The following AMER2 variants were observed in gnomAD, a reference collection of about 807,000 sequenced individuals.
The protein encoded by AMER2 is APC membrane recruitment protein 2, also known as family with sequence similarity 123A.
AMER2 carries 1 observed loss-of-function variant against 4.7 expected under a neutral mutation model. The ratio of observed to expected loss-of-function variants is 0.21; its 90% confidence interval spans 0.07 to 1.00. The LOEUF is 1.00. Among genes scored for constraint, AMER2 ranks in the 50% least tolerant of loss-of-function variants. AMER2 has a pLI of 0.60. For missense variants in AMER2, 988 were observed against 966.9 expected (o/e 1.02, Z -0.29); for synonymous variants, 485 against 433.3 (o/e 1.12, Z -1.48).
At position 25,170,713 on chromosome 13, in the gene AMER2, G is replaced by T; in HGVS notation, c.907C>A (p.His303Asn). The T allele has an allele frequency of 6.8e-7, 1 of 1,481,330 alleles. No homozygotes were observed. Among genetic ancestry groups the T allele is most frequent in the Non-Finnish European group, 8.9e-7 (1 of 1,121,530 alleles). 91.8% of individuals were successfully genotyped at this position (1,481,330 alleles called of 1,614,324 possible). A position where few individuals can be genotyped will look rare whatever the true frequency, so the allele number is the denominator to read the frequency against. ...CCGGGCCCCGGCTCGGCGCGCCGATGCCCCGCGGCGTCCTCTCCCCGGGCG... is the reference window on the plus strand; with the variant it reads ...CCGGGCCCCGGCTCGGCGCGCCGATTCCCCGCGGCGTCCTCTCCCCGGGCG... ...TGARGEDAAG[H>N]RRAEPGPGEV... Residue 303 changes from histidine (H) to asparagine (N), a missense_variant, in exon 1 of 1, where the codon CAT becomes AAT. His to Asn is a moderately conservative substitution (Grantham distance 68). Coordinates refer to ENST00000515384, the MANE Select transcript of AMER2 (RefSeq NM_152704.4). This position sits in a 1 kb window ranked among gnomAD's most constrained non-coding sequence, Gnocchi z 7.3.
Position 25,162,443 on chromosome 13 carries a change from A to C in AMER2, c.*7161T>G, listed in dbSNP as rs1413441299. ...AGATCCTCCATATTCAATAAGATTT[A>C]TCCTGGAAGCAATGAAAATGTTAAA... On this transcript the variant is annotated 3_prime_UTR_variant, in exon 1 of 1. Transcript: ENST00000515384. The C allele has an allele frequency of 2.6e-5, 4 of 152,220 alleles. No homozygotes were observed. The highest frequency in any genetic ancestry group is 9.6e-5 in the African/African-American group (4 of 41,470). 9.4% of individuals were successfully genotyped at this position (152,220 alleles called of 1,614,324 possible). A position where few individuals can be genotyped will look rare whatever the true frequency, so the allele number is the denominator to read the frequency against.
Position 25,169,486 on chromosome 13 carries a change from G to T in AMER2, c.*118C>A. The T allele has an allele frequency of 7.3e-7, 1 of 1,360,660 alleles. No homozygotes were observed. 84.3% of individuals were successfully genotyped at this position (1,360,660 alleles called of 1,614,324 possible). On this transcript the variant is annotated 3_prime_UTR_variant, in exon 1 of 1. Coordinates refer to ENST00000515384, the MANE Select transcript of AMER2 (RefSeq NM_152704.4). The surrounding 1 kb of genome is among the most constrained non-coding windows in gnomAD (Gnocchi z 4.2). Reference sequence around the variant, plus strand: ...CTCGGTCCACGCTCTGGAGCAGGGCGGGGGACGGGTGGTGTCCTAAAAGAC... The same window carrying T: ...CTCGGTCCACGCTCTGGAGCAGGGCTGGGGACGGGTGGTGTCCTAAAAGAC...
Position 25,161,707 on chromosome 13 carries a change from A to G in AMER2, c.*7897T>C, listed in dbSNP as rs1164687380. ...ACTTTAAATGCAAAGGAGCAACAAA[A>G]TTTATTGACTGAATTAAACACAACA... is the stretch of plus-strand genomic sequence containing the variant. On this transcript the variant is annotated 3_prime_UTR_variant, in exon 1 of 1. Transcript: ENST00000515384. The G allele has an allele frequency of 6.6e-6, 1 of 152,248 alleles. No homozygotes were observed. Among genetic ancestry groups the G allele is most frequent in the Non-Finnish European group, 1.5e-5 (1 of 68,054 alleles). 9.4% of individuals were successfully genotyped at this position (152,248 alleles called of 1,614,324 possible). A position where few individuals can be genotyped will look rare whatever the true frequency, so the allele number is the denominator to read the frequency against.
Position 25,169,843 on chromosome 13 carries a change from T to C in AMER2, c.1777A>G (p.Thr593Ala), listed in dbSNP as rs1956529541. Residue 593 changes from threonine to alanine, a missense_variant, in exon 1 of 1, where the codon ACC (threonine) becomes GCC (alanine). Thr to Ala is a moderately conservative substitution (Grantham distance 58). Coordinates refer to ENST00000515384, the MANE Select transcript of AMER2 (RefSeq NM_152704.4). The surrounding 1 kb of genome is among the most constrained non-coding windows in gnomAD (Gnocchi z 4.2). Reference protein sequence around the residue: ...RLKPVSPGTITCPLRTPGSLL... With the variant: ...RLKPVSPGTIACPLRTPGSLL... ...CTGCCTGGTGTTCGCAGTGGACAGG[T>C]GATGGTGCCTGGAGATACGGGCTTT... 2 of 1,613,932 alleles carry C rather than the reference T, an allele frequency of 1.2e-6. No homozygotes were observed. The highest frequency in any genetic ancestry group is 1.7e-6 in the Non-Finnish European group (2 of 1,179,934).
At position 25,167,088 on chromosome 13, in the gene AMER2, A is replaced by C. The variant is rs562889247; in HGVS notation, c.*2516T>G. The C allele has an allele frequency of 6.6e-6, 1 of 152,344 alleles. No individual in the cohort carries two copies. The highest frequency in any genetic ancestry group is 1.9e-4 in the East Asian group (1 of 5,194). 9.4% of individuals were successfully genotyped at this position (152,344 alleles called of 1,614,324 possible). A position where few individuals can be genotyped will look rare whatever the true frequency, so the allele number is the denominator to read the frequency against. On this transcript the variant is annotated 3_prime_UTR_variant, in exon 1 of 1. Coordinates refer to ENST00000515384, the MANE Select transcript of AMER2 (RefSeq NM_152704.4). ...CTCACGTGTTCCTTTTCTTATAAAG[A>C]GGAGACACAGCATAATGGTGTAAAT... is the stretch of plus-strand genomic sequence containing the variant.
Position 25,170,828 on chromosome 13 carries a change from T to C in AMER2, c.792A>G (p.Ala264=). ...CGGGGGCGGGCACCTCCTCTCCCCCTGCGGGCTCACCTGCTGGGTCTCGCG... is the reference window on the plus strand; with the variant it reads ...CGGGGGCGGGCACCTCCTCTCCCCCCGCGGGCTCACCTGCTGGGTCTCGCG... ...DAPRDPAGEP[A]GGEEVPAPAD... is the part of the protein sequence containing the mutation. Residue 264 remains alanine, a synonymous_variant, in exon 1 of 1, where the codon GCA becomes GCG. Transcript: ENST00000515384. This position sits in a 1 kb window ranked among gnomAD's most constrained non-coding sequence, Gnocchi z 7.3. The C allele has an allele frequency of 7.0e-7, 1 of 1,422,856 alleles. No homozygotes were observed. The highest frequency in any genetic ancestry group is 9.1e-7 in the Non-Finnish European group (1 of 1,097,688). 88.1% of individuals were successfully genotyped at this position (1,422,856 alleles called of 1,614,324 possible).
At position 25,164,065 on chromosome 13, in the gene AMER2, A is replaced by T. The variant is rs1288022514; in HGVS notation, c.*5539T>A. 6.7e-6 allele frequency: 1 copy of T among 149,184 alleles called. No individual in the cohort carries two copies. The highest frequency in any genetic ancestry group is 2.5e-5 in the African/African-American group (1 of 40,154). The allele number at this position is 149,184 out of a possible 1,614,324, so 9.2% of individuals were successfully genotyped here. A position where few individuals can be genotyped will look rare whatever the true frequency, so the allele number is the denominator to read the frequency against. On this transcript the variant is annotated 3_prime_UTR_variant, in exon 1 of 1. Transcript: ENST00000515384. ...GGTTATAGTGAGCCGAGATCAAGCC[A>T]CTGCACTCCAGCCTGGGTGACAGAG...
In AMER2 at chr13:25,168,875, C is replaced by G; in HGVS notation, c.*729G>C. On this transcript the variant is annotated 3_prime_UTR_variant, in exon 1 of 1. Transcript: ENST00000515384. ...ACAAAAGCAAAAGCAAAAGCCTGCT[C>G]TCCTGAGCCTTTTATATCTCCCCAA... 6.6e-6 allele frequency: 1 copy of G among 152,666 alleles called. No individual in the cohort carries two copies. The highest frequency in any genetic ancestry group is 1.9e-4 in the East Asian group (1 of 5,206). The allele number at this position is 152,666 out of a possible 1,614,324, so 9.5% of individuals were successfully genotyped here.
chr13:25,170,696 C>G lies in AMER2; in HGVS notation c.924G>C (p.Pro308=), dbSNP rs1956549477. The G allele has an allele frequency of 6.6e-7, 1 of 1,508,284 alleles. No individual in the cohort carries two copies. Among genetic ancestry groups the G allele is most frequent in the African/African-American group, 1.4e-5 (1 of 69,056 alleles). The allele number at this position is 1,508,284 out of a possible 1,614,324, so 93.4% of individuals were successfully genotyped here. A position where few individuals can be genotyped will look rare whatever the true frequency, so the allele number is the denominator to read the frequency against. The change falls in exon 1 of 1, where the codon CCG becomes CCC. Residue 308 remains proline, a synonymous_variant. Transcript: ENST00000515384. The surrounding 1 kb of genome is among the most constrained non-coding windows in gnomAD (Gnocchi z 7.3). ...EDAAGHRRAE[P]GPGEVRTAED... The stretch of plus-strand genomic sequence containing the variant: ...CTGCCGTGCGGACCTCCCCGGGCCC[C>G]GGCTCGGCGCGCCGATGCCCCGCGG...
chr13:25,171,774 A>G lies in AMER2; in HGVS notation c.-155T>C, dbSNP rs1227452007. The G allele has an allele frequency of 1.5e-6, 2 of 1,361,150 alleles. No individual in the cohort carries two copies. The highest frequency in any genetic ancestry group is 1.9e-6 in the Non-Finnish European group (2 of 1,062,538). The allele number at this position is 1,361,150 out of a possible 1,614,324, so 84.3% of individuals were successfully genotyped here. ...CTTCCCTCCCGCAAGGGCTTATATA[A>G]TACCCTAACCCACTTCCATCCGACT... On this transcript the variant is annotated 5_prime_UTR_variant, in exon 1 of 1. Transcript: ENST00000515384. This position sits in a 1 kb window ranked among gnomAD's most constrained non-coding sequence, Gnocchi z 5.9.
rs527269047 is a variant in AMER2 at position 25,169,028 on chromosome 13, T to C, written c.*576A>G. The C allele has an allele frequency of 6.5e-5, 10 of 152,810 alleles. No homozygotes were observed. Among genetic ancestry groups the C allele is most frequent in the African/African-American group, 2.2e-4 (9 of 41,590 alleles). The allele number at this position is 152,810 out of a possible 1,614,324, so 9.5% of individuals were successfully genotyped here. A position where few individuals can be genotyped will look rare whatever the true frequency, so the allele number is the denominator to read the frequency against. On this transcript the variant is annotated 3_prime_UTR_variant, in exon 1 of 1. Coordinates refer to ENST00000515384, the MANE Select transcript of AMER2 (RefSeq NM_152704.4). This position sits in a 1 kb window ranked among gnomAD's most constrained non-coding sequence, Gnocchi z 4.2. ...GCCAATCAGTGGTCCCCTCTGCTCA[T>C]CAGGTAAATACCTGGCTCTTTCAGC...
rs1238933977 is a variant in AMER2, at chr13:25,169,391, G to A, written c.*213C>T. The A allele has an allele frequency of 6.1e-6, 3 of 494,982 alleles. No homozygotes were observed. Among genetic ancestry groups the A allele is most frequent in the African/African-American group, 2.0e-5 (1 of 50,740 alleles). The allele number at this position is 494,982 out of a possible 1,614,324, so 30.7% of individuals were successfully genotyped here. A position where few individuals can be genotyped will look rare whatever the true frequency, so the allele number is the denominator to read the frequency against. On this transcript the variant is annotated 3_prime_UTR_variant, in exon 1 of 1. Coordinates refer to ENST00000515384, the MANE Select transcript of AMER2 (RefSeq NM_152704.4). The surrounding 1 kb of genome is among the most constrained non-coding windows in gnomAD (Gnocchi z 4.2). ...AATAATTCTCAGGGACTTATCTTGAGAGGAGAAACCCCCGTGTAGCATCCC... is the reference window on the plus strand; with the variant it reads ...AATAATTCTCAGGGACTTATCTTGAAAGGAGAAACCCCCGTGTAGCATCCC...
Position 25,171,612 on chromosome 13 carries a change from G to C in AMER2, c.8C>G (p.Thr3Arg). Residue 3 changes from threonine (T) to arginine (R), a missense_variant, in exon 1 of 1, where the codon ACG (threonine) becomes AGG (arginine). By Grantham distance (71) the Thr-to-Arg change is moderately conservative (BLOSUM62 -1). Transcript: ENST00000515384. The surrounding 1 kb of genome is among the most constrained non-coding windows in gnomAD (Gnocchi z 5.9). ...CCCGCCGCCGCCGCGGCTCCGGCTC[G>C]TCTCCATGGAAACCGCGCGGGATAA... METSRSRGGGGAV... is the reference protein window; with the variant it reads MERSRSRGGGGAV... The C allele has an allele frequency of 6.7e-7, 1 of 1,485,872 alleles. No homozygotes were observed. Among genetic ancestry groups the C allele is most frequent in the Non-Finnish European group, 8.8e-7 (1 of 1,132,170 alleles). 92.0% of individuals were successfully genotyped at this position (1,485,872 alleles called of 1,614,324 possible).
rs1169307551 is a variant in AMER2 at position 25,164,071 on chromosome 13, C to A, written c.*5533G>T. 1 of 146,698 alleles carries A rather than the reference C, an allele frequency of 6.8e-6. No individual in the cohort carries two copies. The highest frequency in any genetic ancestry group is 1.5e-5 in the Non-Finnish European group (1 of 67,420). 9.1% of individuals were successfully genotyped at this position (146,698 alleles called of 1,614,324 possible). A position where few individuals can be genotyped will look rare whatever the true frequency, so the allele number is the denominator to read the frequency against. On this transcript the variant is annotated 3_prime_UTR_variant, in exon 1 of 1. Transcript: ENST00000515384. The stretch of plus-strand genomic sequence containing the variant: ...AGTGAGCCGAGATCAAGCCACTGCA[C>A]TCCAGCCTGGGTGACAGAGTAAGAC...
rs1468560375 is a variant in AMER2, at chr13:25,168,605, T to C, written c.*999A>G. On this transcript the variant is annotated 3_prime_UTR_variant, in exon 1 of 1. Coordinates refer to ENST00000515384, the MANE Select transcript of AMER2 (RefSeq NM_152704.4). Reference sequence around the variant, plus strand: ...ATTACAGTACATAACAGAACATCAATGGTTTGGGGACCATCATCATGTCTA... The same window carrying C: ...ATTACAGTACATAACAGAACATCAACGGTTTGGGGACCATCATCATGTCTA... 1 of 151,922 alleles carries C rather than the reference T, an allele frequency of 6.6e-6. No homozygotes were observed. Among genetic ancestry groups the C allele is most frequent in the Non-Finnish European group, 1.5e-5 (1 of 67,972 alleles). The allele number at this position is 151,922 out of a possible 1,614,324, so 9.4% of individuals were successfully genotyped here. A position where few individuals can be genotyped will look rare whatever the true frequency, so the allele number is the denominator to read the frequency against.
Position 25,170,928 on chromosome 13 carries a change from G to A in AMER2, c.692C>T (p.Thr231Ile). Residue 231 changes from threonine to isoleucine, a missense_variant, in exon 1 of 1, where the codon ACC becomes ATC. Thr to Ile is a moderately conservative substitution (Grantham distance 89). Transcript: ENST00000515384. The surrounding 1 kb of genome is among the most constrained non-coding windows in gnomAD (Gnocchi z 7.3). ...CTCCTTGACGCACTCCAGGCTGGCGGTGAGCGAGCCGGGTAGGATCAAGCC... is the reference window on the plus strand; with the variant it reads ...CTCCTTGACGCACTCCAGGCTGGCGATGAGCGAGCCGGGTAGGATCAAGCC... Reference protein sequence around the residue: ...GGGLILPGSLTASLECVKEET... With the variant: ...GGGLILPGSLIASLECVKEET... The A allele has an allele frequency of 6.7e-7, 1 of 1,489,192 alleles. No homozygotes were observed. The highest frequency in any genetic ancestry group is 8.9e-7 in the Non-Finnish European group (1 of 1,125,016). The allele number at this position is 1,489,192 out of a possible 1,614,324, so 92.2% of individuals were successfully genotyped here. A position where few individuals can be genotyped will look rare whatever the true frequency, so the allele number is the denominator to read the frequency against.
chr13:25,165,429 C>T lies in AMER2; in HGVS notation c.*4175G>A, dbSNP rs1484749258. The stretch of plus-strand genomic sequence containing the variant: ...CCCCACACAGGCTCTGTAAGACACT[C>T]GTCTACCATACTACCCCTTTGGTTC... On this transcript the variant is annotated 3_prime_UTR_variant, in exon 1 of 1. Coordinates refer to ENST00000515384, the MANE Select transcript of AMER2 (RefSeq NM_152704.4). 3 of 152,404 alleles carry T rather than the reference C, an allele frequency of 2.0e-5. No homozygotes were observed. The East Asian group carries it at 5.8e-4, about 29-fold the overall frequency. The allele number at this position is 152,404 out of a possible 1,614,324, so 9.4% of individuals were successfully genotyped here.
At position 25,169,699 on chromosome 13, in the gene AMER2, C is replaced by T. The variant is rs1468909774; in HGVS notation, c.1921G>A (p.Val641Ile). The T allele has an allele frequency of 1.2e-6, 2 of 1,614,160 alleles. No individual in the cohort carries two copies. Among genetic ancestry groups the T allele is most frequent in the East Asian group, 2.2e-5 (1 of 44,874 alleles). Residue 641 changes from valine (V) to isoleucine (I), a missense_variant, in exon 1 of 1, where the codon GTT becomes ATT. By Grantham distance (29) the Val-to-Ile change is conservative. Coordinates refer to ENST00000515384, the MANE Select transcript of AMER2 (RefSeq NM_152704.4). This position sits in a 1 kb window ranked among gnomAD's most constrained non-coding sequence, Gnocchi z 4.2. ...RSEMPRTKIP[V>I]SKVLVRRVSN... ...ACTCTGCGGACCAGCACTTTGGAAA[C>T]CGGGATTTTTGTTCTGGGCATCTCA...
chr13:25,161,906 A>G lies in AMER2; in HGVS notation c.*7698T>C, dbSNP rs1000590988. 13 of 152,162 alleles carry G rather than the reference A, an allele frequency of 8.5e-5. No homozygotes were observed. The highest frequency in any genetic ancestry group is 1.3e-4 in the Non-Finnish European group (9 of 68,024). 9.4% of individuals were successfully genotyped at this position (152,162 alleles called of 1,614,324 possible). ...TCAACAAATATACAAAATACCCAAA[A>G]TAAAATATTTACAGGTTTAAAAATA... is the stretch of plus-strand genomic sequence containing the variant. On this transcript the variant is annotated 3_prime_UTR_variant, in exon 1 of 1. Transcript: ENST00000515384.
Sources: allele counts gnomAD v4.1 joint callset, GRCh38; gene constraint gnomAD v4.1.1; non-coding constraint Gnocchi (gnomAD v3.1); transcripts MANE v1.5; gene names NCBI Gene and HGNC (gene_info 2026-07-23, HGNC 2026-07-21).